RSRC1: variants seen among roughly 807,000 people sequenced by gnomAD.
RSRC1 encodes the protein arginine and serine rich coiled-coil 1.
Under a neutral mutation model 49.1 loss-of-function variants are expected in RSRC1, and 39 were observed. The observed-to-expected ratio is 0.79, with a 90% CI of 0.61 to 1.04. The LOEUF is 1.04. Ranked by LOEUF, RSRC1 falls within the 50% of genes least tolerant of loss-of-function variation. RSRC1 has a pLI of 0.00. For synonymous variants in RSRC1, 143 were observed against 130.8 expected, an observed-to-expected ratio of 1.09 and a Z score of -0.63; for missense variants, 388 against 402.4, an observed-to-expected ratio of 0.96 and a Z score of 0.31.
chr3:158,346,422 T>TA (rs1454801900), intron 5 of RSRC1, among the ~76,000 whole-genome samples: 1 of 152,172 alleles, frequency 6.6e-6, no homozygotes, highest in Non-Finnish European at 1.5e-5. Flanking sequence ...TTACTTTTGT[T>TA]AAAAAACTCT....
In RSRC1 at chr3:158,468,228, C is replaced by T. The variant is rs141228775; in HGVS notation, c.652+7225C>T. Among the ~76,000 whole-genome samples, 506 of 152,286 alleles carry T rather than the reference C, an allele frequency of 3.3e-3. 2 individuals carry two copies. Among genetic ancestry groups the T allele is most frequent in the Non-Finnish European group, 5.1e-3 (347 of 68,032 alleles). ...GATTACAGGCGTGAGCCACCGCGCC[C>T]GGCCAGAAAAATTATTTTCTACAAA... On this transcript the variant is annotated intron_variant, in intron 7 of 9. Transcript: ENST00000611884.
chr3:158,514,946 CT>C (rs1560072117), intron 7 of RSRC1, among the ~76,000 whole-genome samples: 2 of 151,796 alleles, frequency 1.3e-5, no homozygotes, highest in Admixed American at 6.6e-5. Flanking sequence ...CAACCCCTAC[CT>C]TTTTTTGTTT....
intron 7 of RSRC1, among the ~76,000 whole-genome samples, chr3:158,528,347 G>C (rs1205812163): frequency 6.6e-6 from 1 of 151,986 alleles, no homozygotes; most frequent in African/African-American, 2.4e-5. Flanking sequence ...ATGATGGCTA[G>C]TGGCTTGATT....
At chr3:158,348,827 G>A (rs1290141034) in intron 5 of RSRC1, among the ~76,000 whole-genome samples, 3 of 152,036 alleles carry the variant, frequency 2.0e-5, no homozygotes. Context: ...ACTTATAACT[G>A]AGAACATGTG....
chr3:158,165,878 C>T (rs774776512), intron 3 of RSRC1, among the ~76,000 whole-genome samples: 1 of 152,180 alleles, frequency 6.6e-6, no homozygotes, highest in Non-Finnish European at 1.5e-5. Flanking sequence ...CAGTGTAGTA[C>T]ATTTCAACAC....
chr3:158,422,462 A>G (rs976590400), intron 6 of RSRC1, among the ~76,000 whole-genome samples: 1 of 150,964 alleles, frequency 6.6e-6, no homozygotes, highest in Admixed American at 6.6e-5. Context: ...CATTTTCTTA[A>G]TCCAGTCTAT....
chr3:158,221,558 T>G (rs1444689102), intron 4 of RSRC1, among the ~76,000 whole-genome samples: 1 of 151,560 alleles, frequency 6.6e-6, no homozygotes, highest in East Asian at 1.9e-4. Context: ...GCTGGTATGA[T>G]TCATGCTACA....
chr3:158,534,296 C>T (rs1684265318), intron 7 of RSRC1, among the ~76,000 whole-genome samples: 1 of 151,582 alleles, frequency 6.6e-6, no homozygotes, highest in Non-Finnish European at 1.5e-5. Flanking sequence ...ATGTATGAAA[C>T]CAAATTTCCT....
chr3:158,402,211 T>C (rs1733928135), intron 6 of RSRC1, among the ~76,000 whole-genome samples: 1 of 151,936 alleles, frequency 6.6e-6, no homozygotes, highest in Non-Finnish European at 1.5e-5. Flanking sequence ...AGTTTGACCA[T>C]TCAATTTCTT....
chr3:158,468,824 A>T (rs1253105032), intron 7 of RSRC1, among the ~76,000 whole-genome samples: 2 of 152,180 alleles, frequency 1.3e-5, no homozygotes, highest in African/African-American at 4.8e-5. Flanking sequence ...AAAAAATTTA[A>T]CACCTTTACA....
chr3:158,458,476 A>C (rs755632864), intron 6 of RSRC1, among the ~76,000 whole-genome samples: 21 of 152,158 alleles, frequency 1.4e-4, no homozygotes, highest in Non-Finnish European at 2.2e-4. Flanking sequence ...ACAGCTTAGC[A>C]AAACAACAGA....
At chr3:158,235,758 T>G (rs1723205067) in intron 4 of RSRC1, among the ~76,000 whole-genome samples, 2 of 152,308 alleles carry the variant, frequency 1.3e-5, no homozygotes, top group South Asian at 4.1e-4. Flanking sequence ...TAAAATAATG[T>G]TTTTCAGTTT....
chr3:158,201,059 T>C (rs1482163387), intron 3 of RSRC1, among the ~76,000 whole-genome samples: 1 of 152,180 alleles, frequency 6.6e-6, no homozygotes, highest in African/African-American at 2.4e-5. Flanking sequence ...ATTTGTTTAC[T>C]TTTCCTTTGT....
intron 3 of RSRC1, among the ~76,000 whole-genome samples, chr3:158,190,300 C>T (rs1024374877): frequency 6.6e-6 from 1 of 151,942 alleles, no homozygotes; most frequent in Non-Finnish European, 1.5e-5. Flanking sequence ...ACTGTTCTTG[C>T]ATTATGATTG....
At chr3:158,517,935 T>G (rs1740664834) in intron 7 of RSRC1, among the ~76,000 whole-genome samples, 1 of 149,994 alleles carries the variant, frequency 6.7e-6, no homozygotes, top group Non-Finnish European at 1.5e-5. Flanking sequence ...TTTTCTCTTT[T>G]AATCCCAAAA....
intron 4 of RSRC1, among the ~76,000 whole-genome samples, chr3:158,231,741 C>G (rs1210403017): frequency 1.3e-5 from 2 of 151,998 alleles, no homozygotes; most frequent in African/African-American, 4.8e-5. Context: ...GACATGCTGA[C>G]TATATTGAAG....
chr3:158,339,646 C>T (rs1215489790), intron 5 of RSRC1, among the ~76,000 whole-genome samples: 1 of 152,074 alleles, frequency 6.6e-6, no homozygotes, highest in African/African-American at 2.4e-5. Flanking sequence ...TTATGTATGA[C>T]ACTAAGGAGG....
At chr3:158,468,985 A>G (rs550469698) in intron 7 of RSRC1, among the ~76,000 whole-genome samples, 54 of 152,262 alleles carry the variant, frequency 3.5e-4, no homozygotes, top group African/African-American at 1.3e-3. Flanking sequence ...GTATATTACA[A>G]CTTTCTTTTT....
intron 4 of RSRC1, among the ~76,000 whole-genome samples, chr3:158,255,580 A>C (rs1407422729): frequency 6.6e-6 from 1 of 152,170 alleles, no homozygotes; most frequent in Non-Finnish European, 1.5e-5. Flanking sequence ...ACTTAAAGGT[A>C]GTTTTTTCCA....
Sources: gnomAD v4.1 joint callset for allele counts (sites outside exome capture counted in the v4.1 genomes callset) on GRCh38, gnomAD v4.1.1 for gene constraint, MANE v1.5 for transcripts, NCBI Gene and HGNC (gene_info 2026-07-23, HGNC 2026-07-21) for gene names.